The following CACNA2D3 variants were observed in gnomAD, a reference collection of about 807,000 sequenced individuals.
CACNA2D3 encodes calcium voltage-gated channel auxiliary subunit alpha2delta 3, also known as voltage-dependent calcium channel subunit alpha-2/delta-3.
Under a neutral mutation model 160.6 loss-of-function variants are expected in CACNA2D3, and 60 were observed. The ratio of observed to expected loss-of-function variants is 0.37; its 90% CI spans 0.30 to 0.46. The LOEUF (loss-of-function observed/expected upper bound fraction) is 0.46. Among genes scored for constraint, CACNA2D3 ranks in the 20% least tolerant of loss-of-function variants. The probability of loss-of-function intolerance (pLI) is 1.00; values close to 1 mark genes in which losing one functional copy is unlikely to be tolerated. For synonymous variants in CACNA2D3, 558 were observed against 492.9 expected (o/e 1.13, Z -1.75); for missense variants, 1,205 against 1,365.0 (o/e 0.88, Z 1.85).
intron 26 of CACNA2D3, among the ~76,000 whole-genome samples, chr3:54,898,089 T>C (rs77100416): frequency 8.3e-6 from 1 of 121,082 alleles, no homozygotes; most frequent in Non-Finnish European, 1.8e-5. Flanking sequence ...TTGCTTGCTT[T>C]CTTCCTTCCT....
At chr3:54,668,161 G>C (rs1700101476) in intron 11 of CACNA2D3, among the ~76,000 whole-genome samples, 1 of 152,140 alleles carries the variant, frequency 6.6e-6, no homozygotes, top group African/African-American at 2.4e-5. Context: ...AATCCTCTGA[G>C]CATGGGAGAG....
intron 11 of CACNA2D3, among the ~76,000 whole-genome samples, chr3:54,722,864 A>C (rs1453254981): frequency 6.6e-6 from 1 of 152,150 alleles, no homozygotes; most frequent in Non-Finnish European, 1.5e-5. Context: ...GTCAGGATAC[A>C]TGGGGGTCAG....
intron 16 of CACNA2D3, among the ~76,000 whole-genome samples, chr3:54,841,876 G>A (rs1178324168): frequency 6.6e-6 from 1 of 152,154 alleles, no homozygotes; most frequent in Non-Finnish European, 1.5e-5. Flanking sequence ...GTGGCTTCTG[G>A]CCTCCAGGAG....
chr3:54,743,821 C>T (rs1244502036), intron 11 of CACNA2D3, among the ~76,000 whole-genome samples: 1 of 152,160 alleles, frequency 6.6e-6, no homozygotes, highest in African/African-American at 2.4e-5. Context: ...AAATCCTAGG[C>T]CATGCAGTGT....
At chr3:54,271,459 G>A (rs1326447231) in intron 2 of CACNA2D3, among the ~76,000 whole-genome samples, 3 of 152,100 alleles carry the variant, frequency 2.0e-5, no homozygotes, top group African/African-American at 4.8e-5. Context: ...CATCCTAAAT[G>A]CTATGATTCT....
intron 2 of CACNA2D3, among the ~76,000 whole-genome samples, chr3:54,186,371 T>A (rs1700878598): frequency 6.6e-6 from 1 of 152,142 alleles, no homozygotes; most frequent in African/African-American, 2.4e-5. Flanking sequence ...TTCCACATCC[T>A]CCCAAGATAT....
chr3:54,483,028 G>T (rs1267905608), intron 4 of CACNA2D3, among the ~76,000 whole-genome samples: 1 of 152,138 alleles, frequency 6.6e-6, no homozygotes, highest in Non-Finnish European at 1.5e-5. Context: ...CATGTCGCAG[G>T]GGCCTAGCAA....
chr3:54,637,707 A>G (rs939799817), intron 10 of CACNA2D3: 12 of 152,016 alleles, frequency 7.9e-5, no homozygotes, highest in East Asian at 3.9e-4. Context: ...CTCGGCGTCC[A>G]TGATGGTCTG....
rs1182643006 is a variant in CACNA2D3, at chr3:54,122,619, A to C, written c.-95A>C. ...CAGGCGGGGCGGCGCGGAGCGGAGC[A>C]GGCAGCCCCGCGCGCTCGCCCACCG... On this transcript the variant is annotated 5_prime_UTR_variant, in exon 1 of 38. Transcript: ENST00000474759. 1 of 784,864 alleles carries C rather than the reference A, an allele frequency of 1.3e-6. No homozygotes were observed. The highest frequency in any genetic ancestry group is 1.5e-6 in the Non-Finnish European group (1 of 657,472). 48.6% of individuals were successfully genotyped at this position (784,864 alleles called of 1,614,324 possible).
intron 4 of CACNA2D3, among the ~76,000 whole-genome samples, chr3:54,455,687 T>C (rs1700386166): frequency 6.6e-6 from 1 of 152,176 alleles, no homozygotes; most frequent in African/African-American, 2.4e-5. Flanking sequence ...TGGTTTCTTC[T>C]ACTCATTTCA....
intron 31 of CACNA2D3, among the ~76,000 whole-genome samples, chr3:54,993,649 G>A (rs1702788520): frequency 1.3e-5 from 2 of 152,080 alleles, no homozygotes; most frequent in Admixed American, 6.5e-5. Context: ...TTTGCCCTGG[G>A]TTTTTTGCTT....
chr3:54,947,767 A>T (rs1056426469), intron 27 of CACNA2D3, among the ~76,000 whole-genome samples: 4 of 152,196 alleles, frequency 2.6e-5, no homozygotes, highest in Non-Finnish European at 5.9e-5. Context: ...CTTGGATGCT[A>T]GCCCTAAGGC....
intron 2 of CACNA2D3, among the ~76,000 whole-genome samples, chr3:54,183,439 G>T (rs1333375476): frequency 6.6e-6 from 1 of 151,890 alleles, no homozygotes; most frequent in African/African-American, 2.4e-5. Context: ...TGGTGGCAGG[G>T]TTAGATCTGC....
intron 2 of CACNA2D3, among the ~76,000 whole-genome samples, chr3:54,222,351 T>C (rs1701590420): frequency 6.6e-6 from 1 of 152,148 alleles, no homozygotes; most frequent in South Asian, 2.1e-4. Flanking sequence ...AGTTCAAGTG[T>C]GAAGGCAGGA....
intron 5 of CACNA2D3, among the ~76,000 whole-genome samples, chr3:54,527,165 C>T (rs534838012): frequency 1.3e-5 from 2 of 152,186 alleles, no homozygotes; most frequent in Non-Finnish European, 1.5e-5. Context: ...GAGATCTGTC[C>T]AGCAAACTTA....
intron 4 of CACNA2D3, among the ~76,000 whole-genome samples, chr3:54,452,244 G>A (rs1267118221): frequency 1.3e-5 from 2 of 152,156 alleles, no homozygotes; most frequent in African/African-American, 4.8e-5. Context: ...TTACATGGTG[G>A]CAGGCAAGAG....
intron 11 of CACNA2D3, among the ~76,000 whole-genome samples, chr3:54,714,262 G>A (rs986555294): frequency 1.3e-5 from 2 of 152,152 alleles, no homozygotes; most frequent in African/African-American, 4.8e-5. Context: ...TGAGAGATTA[G>A]CAATGGCATT....
chr3:54,797,765 C>T (rs1702896374), intron 13 of CACNA2D3, among the ~76,000 whole-genome samples: 1 of 152,090 alleles, frequency 6.6e-6, no homozygotes, highest in South Asian at 2.1e-4. Context: ...CAGTGACTCC[C>T]TTAAGAAAAA....
intron 2 of CACNA2D3, among the ~76,000 whole-genome samples, chr3:54,238,395 C>CA (rs1205912426): frequency 1.3e-5 from 2 of 152,112 alleles, no homozygotes; most frequent in African/African-American, 4.8e-5. Context: ...AGTGATTGTG[C>CA]AAAAAAACAT....
Sources: allele counts gnomAD v4.1 joint callset (sites outside exome capture counted in the v4.1 genomes callset), GRCh38; gene constraint gnomAD v4.1.1; transcripts MANE v1.5; gene names NCBI Gene and HGNC (gene_info 2026-07-23, HGNC 2026-07-21).